Variants in TNPO1 observed in about 807,000 individuals in gnomAD.
TNPO1 encodes transportin 1.
A neutral mutation model predicts 119.5 loss-of-function variants in TNPO1; 8 were observed. The observed-to-expected ratio is 0.07, with a 90% CI of 0.04 to 0.12. The LOEUF (loss-of-function observed/expected upper bound fraction) is 0.12, where lower values mean the gene tolerates loss of function less well. Ranked by LOEUF, TNPO1 falls within the 10% of genes least tolerant of loss-of-function variation. The pLI, the probability that TNPO1 is intolerant of heterozygous loss-of-function variation, is 1.00. For missense variants in TNPO1, 576 were observed against 1,089.8 expected, an observed-to-expected ratio of 0.53 and a Z score of 6.64; for synonymous variants, 362 against 363.0, an observed-to-expected ratio of 1.00 and a Z score of 0.03.
At chr5:72,877,617 T>G (rs1747895628) in intron 9 of TNPO1, among the ~76,000 whole-genome samples, 1 of 152,162 alleles carries the variant, frequency 6.6e-6, no homozygotes, top group Non-Finnish European at 1.5e-5. Context: ...TTTTGTTTTG[T>G]TTTGTTTTTA....
At chr5:72,851,002 C>A (rs1475939393) in intron 2 of TNPO1, among the ~76,000 whole-genome samples, 1 of 152,134 alleles carries the variant, frequency 6.6e-6, no homozygotes, top group East Asian at 1.9e-4. Context: ...CTGGAACTTT[C>A]TTATGTTGTA....
intron 2 of TNPO1, among the ~76,000 whole-genome samples, chr5:72,850,529 A>G (rs542606487): frequency 2.6e-5 from 4 of 152,002 alleles, no homozygotes; most frequent in Non-Finnish European, 5.9e-5. Context: ...TCTGTGTAGT[A>G]AAACACAATT....
intron 9 of TNPO1, 76 bp downstream of exon 9, chr5:72,877,422 AATTCAT>A: frequency 1.3e-6 from 1 of 751,114 alleles, no homozygotes; most frequent in East Asian, 2.7e-5. Flanking sequence ...ATTTTTATAA[AATTCAT>A]TCTTTTGCCA....
intron 1 of TNPO1, among the ~76,000 whole-genome samples, chr5:72,818,704 A>G (rs538655292): frequency 2.8e-4 from 43 of 152,312 alleles, no homozygotes; most frequent in African/African-American, 9.9e-4. Context: ...TGAGATTGAT[A>G]TTTGAATACA....
At chr5:72,906,483 G>C (rs917627905) in intron 24 of TNPO1, among the ~76,000 whole-genome samples, 2 of 151,366 alleles carry the variant, frequency 1.3e-5, no homozygotes, top group East Asian at 3.9e-4. Flanking sequence ...GTAGAGATGG[G>C]GTTTCACCAT....
At chr5:72,902,562 A>C (rs985250538) in intron 22 of TNPO1, among the ~76,000 whole-genome samples, 2 of 151,934 alleles carry the variant, frequency 1.3e-5, no homozygotes, top group African/African-American at 4.8e-5. Flanking sequence ...AATGTGTGCT[A>C]GAGGTATCTG....
Position 72,888,217 on chromosome 5 carries a change from G to T in TNPO1, c.1443G>T (p.Pro481=), listed in dbSNP as rs899318274. ...SRYAHWVVSQ[P]PDTYLKPLMT... The stretch of plus-strand genomic sequence containing the variant: ...ATGCACACTGGGTGGTCAGCCAGCC[G>T]CCAGACACGTACCTGAAGCCATTAA... The change falls in exon 13 of 25, where the codon CCG becomes CCT. Residue 481 remains proline (P), a synonymous_variant. Transcript: ENST00000337273. 6.8e-6 allele frequency: 11 copies of T among 1,614,124 alleles called. No individual in the cohort carries two copies. Among genetic ancestry groups the T allele is most frequent in the Non-Finnish European group, 8.5e-6 (10 of 1,180,026 alleles).
In TNPO1 at chr5:72,887,230, T is replaced by G. The variant is rs1368350155; in HGVS notation, c.1303+8T>G. The G allele has an allele frequency of 8.4e-7, 1 of 1,183,700 alleles. No homozygotes were observed. The highest frequency in any genetic ancestry group is 1.2e-5 in the South Asian group (1 of 81,256). 73.3% of individuals were successfully genotyped at this position (1,183,700 alleles called of 1,614,324 possible). A position where few individuals can be genotyped will look rare whatever the true frequency, so the allele number is the denominator to read the frequency against. On this transcript the variant is annotated splice_region_variant and intron_variant, in intron 12 of 24. Coordinates refer to ENST00000337273, the MANE Select transcript of TNPO1 (RefSeq NM_002270.4). ...TAGGAGCAATTGCTGAAGGTAAGCC[T>G]AAGTCCAGTTTGAATTATGTAAGTT...
intron 1 of TNPO1, among the ~76,000 whole-genome samples, chr5:72,823,800 A>G (rs1744091175): frequency 6.6e-6 from 1 of 152,162 alleles, no homozygotes; most frequent in African/African-American, 2.4e-5. Context: ...AAAAAAAACC[A>G]CACAACCACA....
At chr5:72,877,489 G>A (rs1295493687) in intron 9 of TNPO1, 143 bp downstream of exon 9, 1 of 476,510 alleles carries the variant, frequency 2.1e-6, no homozygotes, top group Non-Finnish European at 3.7e-6. Context: ...TGTTGGTAAA[G>A]AGATTTTTCA....
chr5:72,912,050 C>G lies in TNPO1; in HGVS notation c.*3377C>G, dbSNP rs915349319. The G allele has an allele frequency of 2.6e-5, 4 of 152,364 alleles. No individual in the cohort carries two copies. The highest frequency in any genetic ancestry group is 9.7e-5 in the African/African-American group (4 of 41,352). The allele number at this position is 152,364 out of a possible 1,614,324, so 9.4% of individuals were successfully genotyped here. On this transcript the variant is annotated 3_prime_UTR_variant, in exon 25 of 25. Transcript: ENST00000337273. ...TTTTGCTTTTTGTATTGTCTAATCTCTTCAATGACTTCATACTGTGTAAAA... is the reference window on the plus strand; with the variant it reads ...TTTTGCTTTTTGTATTGTCTAATCTGTTCAATGACTTCATACTGTGTAAAA...
intron 24 of TNPO1, among the ~76,000 whole-genome samples, chr5:72,905,917 T>C (rs985768906): frequency 3.3e-5 from 5 of 151,970 alleles, no homozygotes; most frequent in African/African-American, 9.7e-5. Flanking sequence ...AAAATAAAAT[T>C]ACTCAAGTGA....
rs373202276 is a variant in TNPO1 at position 72,875,597 on chromosome 5, T to A, written c.679-18T>A. The A allele has an allele frequency of 1.1e-5, 18 of 1,607,422 alleles. No individual in the cohort carries two copies. The highest frequency in any genetic ancestry group is 2.7e-5 in the African/African-American group (2 of 74,756). On this transcript the variant is annotated intron_variant, in intron 7 of 24. Coordinates refer to ENST00000337273, the MANE Select transcript of TNPO1 (RefSeq NM_002270.4). ...TAAGCCTTTCTAAAACTAGAAAAAA[T>A]TATTTCTTGTGCAACAGAATCTCTT...
intron 1 of TNPO1, 107 bp downstream of exon 1, chr5:72,816,859 T>C: frequency 7.3e-7 from 1 of 1,367,092 alleles, no homozygotes; most frequent in Non-Finnish European, 9.8e-7. Context: ...GCTCGCCCGC[T>C]CTCTCGGCGC....
intron 1 of TNPO1, among the ~76,000 whole-genome samples, chr5:72,820,603 G>A (rs1388646098): frequency 6.6e-6 from 1 of 152,146 alleles, no homozygotes; most frequent in Non-Finnish European, 1.5e-5. Context: ...AAAACAAAGT[G>A]TAAATAGGTA....
Position 72,900,993 on chromosome 5 carries a change from A to G in TNPO1, c.2434A>G (p.Ile812Val), listed in dbSNP as rs765285062. ...CAATAGGTGCACCTCTCTGAGAAAC[A>G]TAAGAGACAATGAGGAAAAGGATTC... ...IRPWCTSLRN[I>V]RDNEEKDSAF... Residue 812 changes from isoleucine to valine, a missense_variant, in exon 22 of 25, where the codon ATA becomes GTA. Ile to Val is a conservative substitution (Grantham distance 29). Around this residue, in one of 6 missense-constraint regions of TNPO1, gnomAD observed 162 missense variants for 294.1 expected, o/e 0.55. Coordinates refer to ENST00000337273, the MANE Select transcript of TNPO1 (RefSeq NM_002270.4). 28 of 1,610,678 alleles carry G rather than the reference A, an allele frequency of 1.7e-5. No individual in the cohort carries two copies.
chr5:72,874,901 C>T lies in TNPO1; in HGVS notation c.679-714C>T, dbSNP rs549723000. On this transcript the variant is annotated intron_variant, in intron 7 of 24. Coordinates refer to ENST00000337273, the MANE Select transcript of TNPO1 (RefSeq NM_002270.4). ...TCATTGTGTTTTCCTCTCACATCCC[C>T]ACTCTGAGAGATGTCTTTTTCTTCT... is the stretch of plus-strand genomic sequence containing the variant. Among the ~76,000 whole-genome samples, 8 of 152,320 alleles carry T rather than the reference C, an allele frequency of 5.3e-5. No homozygotes were observed. The South Asian group carries it at 1.4e-3, about 28-fold the overall frequency.
chr5:72,818,439 T>C (rs1041344414), intron 1 of TNPO1, among the ~76,000 whole-genome samples: 23 of 152,236 alleles, frequency 1.5e-4, no homozygotes, highest in Non-Finnish European at 2.5e-4. Context: ...GAACTCAGTT[T>C]TTCTAAATGT....
chr5:72,912,230 C>G lies in TNPO1; in HGVS notation c.*3557C>G, dbSNP rs543160009. 1 of 152,512 alleles carries G rather than the reference C, an allele frequency of 6.6e-6. No homozygotes were observed. The highest frequency in any genetic ancestry group is 6.5e-5 in the Admixed American group (1 of 15,280). The allele number at this position is 152,512 out of a possible 1,614,324, so 9.4% of individuals were successfully genotyped here. Reference sequence around the variant, plus strand: ...AAGAATAGATTTTAAAACACTTAACCAAGCCATTACATCTTAAAAACAAAA... The same window carrying G: ...AAGAATAGATTTTAAAACACTTAACGAAGCCATTACATCTTAAAAACAAAA... On this transcript the variant is annotated 3_prime_UTR_variant, in exon 25 of 25. Coordinates refer to ENST00000337273, the MANE Select transcript of TNPO1 (RefSeq NM_002270.4).
Sources: gnomAD v4.1 joint callset for allele counts (sites outside exome capture counted in the v4.1 genomes callset) on GRCh38, gnomAD v4.1.1 for gene constraint, gnomAD v4.1.1 regional missense constraint, MANE v1.5 for transcripts, NCBI Gene and HGNC (gene_info 2026-07-23, HGNC 2026-07-21) for gene names.